The following CNTLN variants were observed in gnomAD, a reference collection of about 807,000 sequenced individuals.
The protein encoded by CNTLN is centlein, centrosomal protein.
A neutral mutation model predicts 180.0 loss-of-function variants in CNTLN; 212 were observed. That is an observed-to-expected ratio of 1.18 (90% confidence interval 1.05 to 1.32). CNTLN has a LOEUF of 1.32. CNTLN is among the 40% of genes most tolerant of loss of function. The pLI is 0.00. For missense variants in CNTLN, 2,095 were observed against 1,610.9 expected, an observed-to-expected ratio of 1.30 and a Z score of -5.14; for synonymous variants, 722 against 563.1, an observed-to-expected ratio of 1.28 and a Z score of -3.99.
intron 2 of CNTLN, among the ~76,000 whole-genome samples, chr9:17,160,898 A>G (rs1266066089): frequency 6.6e-6 from 1 of 152,168 alleles, no homozygotes; most frequent in Non-Finnish European, 1.5e-5. Context: ...TTCATCAGGT[A>G]TCAATTGAAT....
intron 6 of CNTLN, among the ~76,000 whole-genome samples, chr9:17,283,901 T>G (rs1236735603): frequency 6.6e-6 from 1 of 152,192 alleles, no homozygotes; most frequent in Non-Finnish European, 1.5e-5. Flanking sequence ...TTAGATTTAT[T>G]GATTTGTGTA....
intron 18 of CNTLN, among the ~76,000 whole-genome samples, chr9:17,455,408 AT>A (rs1195721226): frequency 6.6e-6 from 1 of 152,170 alleles, no homozygotes; most frequent in African/African-American, 2.4e-5. Flanking sequence ...ATACATTTTT[AT>A]ATTGTTAAAT....
chr9:17,287,543 C>T (rs987271776), intron 6 of CNTLN, among the ~76,000 whole-genome samples: 2 of 150,416 alleles, frequency 1.3e-5, no homozygotes, highest in African/African-American at 4.9e-5. Flanking sequence ...GGGAGGATTC[C>T]CTCTTTTTCT....
chr9:17,196,124 AGCAGTTCTCCTGGCTC>A, intron 2 of CNTLN, among the ~76,000 whole-genome samples: 1 of 152,190 alleles, frequency 6.6e-6, no homozygotes, highest in Non-Finnish European at 1.5e-5. Flanking sequence ...CCCAGGTTCA[AGCAGTTCTCCTGGCTC>A]AGCCTCCTAA....
chr9:17,185,463 C>T (rs913267551), intron 2 of CNTLN, among the ~76,000 whole-genome samples: 2 of 152,140 alleles, frequency 1.3e-5, no homozygotes, highest in African/African-American at 2.4e-5. Flanking sequence ...TCACAGCAAA[C>T]GTTTTCTTTT....
chr9:17,436,433 C>A (rs1348803505), intron 18 of CNTLN, among the ~76,000 whole-genome samples: 1 of 152,142 alleles, frequency 6.6e-6, no homozygotes, highest in Non-Finnish European at 1.5e-5. Flanking sequence ...TTAGTTTAAT[C>A]AAGCCTCAAA....
intron 7 of CNTLN, among the ~76,000 whole-genome samples, chr9:17,304,257 G>A (rs1034605972): frequency 3.9e-5 from 6 of 152,086 alleles, no homozygotes; most frequent in African/African-American, 1.4e-4. Context: ...AGTGTGGAAG[G>A]CTTTTCTAGG....
rs181963454 is a variant in CNTLN, at chr9:17,262,844, T to C, written c.850-10889T>C. 9.9e-5 allele frequency among the ~76,000 whole-genome samples: 15 copies of C among 151,416 alleles called. No individual in the cohort carries two copies. In the East Asian group the frequency reaches 2.9e-3, roughly 29 times the overall value. ...TGATCAGTATGATGTTGGCTGTGGG[T>C]TTGTCGTAGATGGCTCGTAGTATTT... is the stretch of plus-strand genomic sequence containing the variant. On this transcript the variant is annotated intron_variant, in intron 5 of 25. Transcript: ENST00000380647.
rs544011412 is a variant in CNTLN at position 17,486,929 on chromosome 9, T to A, written c.4042-60T>A. On this transcript the variant is annotated intron_variant, in intron 24 of 25. Coordinates refer to ENST00000380647, the MANE Select transcript of CNTLN (RefSeq NM_017738.4). Reference sequence around the variant, plus strand: ...TACTCCAGATTTATTCAGTATCTAATAGTATAAACAAGTTCATATAAATTT... The same window carrying A: ...TACTCCAGATTTATTCAGTATCTAAAAGTATAAACAAGTTCATATAAATTT... 14 of 758,398 alleles carry A rather than the reference T, an allele frequency of 1.8e-5. No homozygotes were observed. The South Asian group carries it at 2.0e-4, about 11-fold the overall frequency. The allele number at this position is 758,398 out of a possible 1,614,324, so 47.0% of individuals were successfully genotyped here.
chr9:17,387,410 C>A (rs1397924474), intron 13 of CNTLN, among the ~76,000 whole-genome samples: 1 of 151,896 alleles, frequency 6.6e-6, no homozygotes, highest in Non-Finnish European at 1.5e-5. Context: ...AGTAATTTAT[C>A]TGATAAGAAA....
intron 6 of CNTLN, among the ~76,000 whole-genome samples, chr9:17,285,055 C>T (rs1314251599): frequency 6.6e-6 from 1 of 150,406 alleles, no homozygotes; most frequent in Non-Finnish European, 1.5e-5. Context: ...GCACATTGTG[C>T]AGGTTAGTTA....
chr9:17,467,138 A>G (rs942201537), intron 23 of CNTLN, among the ~76,000 whole-genome samples: 2 of 151,704 alleles, frequency 1.3e-5, no homozygotes, highest in Admixed American at 1.3e-4. Context: ...ATGAAATTGT[A>G]GTAGTCAAGT....
intron 5 of CNTLN, among the ~76,000 whole-genome samples, chr9:17,239,077 G>C (rs970410579): frequency 6.6e-6 from 1 of 152,104 alleles, no homozygotes; most frequent in African/African-American, 2.4e-5. Flanking sequence ...TTGCTCTGTT[G>C]CCCAGGCTGG....
chr9:17,230,083 G>C (rs1337526193), intron 3 of CNTLN, among the ~76,000 whole-genome samples: 1 of 152,164 alleles, frequency 6.6e-6, no homozygotes, highest in Admixed American at 6.6e-5. Context: ...GTGTGGGCTG[G>C]GACTGTGTAC....
At chr9:17,461,693 A>G (rs986235735) in intron 19 of CNTLN, among the ~76,000 whole-genome samples, 4 of 151,668 alleles carry the variant, frequency 2.6e-5, no homozygotes, top group African/African-American at 9.7e-5. Context: ...AATTTATTGT[A>G]GTTTAGAAAT....
intron 2 of CNTLN, among the ~76,000 whole-genome samples, chr9:17,151,406 G>C (rs946330582): frequency 2.0e-5 from 3 of 152,084 alleles, no homozygotes; most frequent in Non-Finnish European, 2.9e-5. Flanking sequence ...TGAGATAATC[G>C]TGTGGTTTTT....
intron 18 of CNTLN, among the ~76,000 whole-genome samples, chr9:17,442,866 A>G (rs1830188294): frequency 6.6e-6 from 1 of 152,370 alleles, no homozygotes; most frequent in Non-Finnish European, 1.5e-5. Flanking sequence ...AAATTTGTTA[A>G]GAAAGTAGAT....
At chr9:17,482,309 T>G (rs1564142593) in intron 23 of CNTLN, among the ~76,000 whole-genome samples, 1 of 152,148 alleles carries the variant, frequency 6.6e-6, no homozygotes, top group South Asian at 2.1e-4. Flanking sequence ...CAGTTAGTTA[T>G]TTGAATTCCT....
chr9:17,297,820 G>T (rs905518597), intron 6 of CNTLN, among the ~76,000 whole-genome samples: 1 of 152,138 alleles, frequency 6.6e-6, no homozygotes, highest in African/African-American at 2.4e-5. Flanking sequence ...AAAATGAAAG[G>T]TTGACGTACC....
Sources: allele counts gnomAD v4.1 joint callset (sites outside exome capture counted in the v4.1 genomes callset), GRCh38; gene constraint gnomAD v4.1.1; transcripts MANE v1.5; gene names NCBI Gene and HGNC (gene_info 2026-07-23, HGNC 2026-07-21).